Variants in ARHGAP44 observed in about 807,000 individuals in gnomAD.
ARHGAP44 encodes Rho GTPase activating protein 44, also known as rho GTPase-activating protein 44.
ARHGAP44 carries 43 observed loss-of-function variants against 106.8 expected under a neutral mutation model. That is an observed-to-expected ratio of 0.40 (90% CI 0.32 to 0.52). The LOEUF (loss-of-function observed/expected upper bound fraction) is 0.52, where lower values mean the gene tolerates loss of function less well. Ranked by LOEUF, ARHGAP44 falls within the 20% of genes least tolerant of loss-of-function variation. The pLI, the probability that ARHGAP44 is intolerant of heterozygous loss-of-function variation, is 0.48. For synonymous variants in ARHGAP44, 439 were observed against 410.3 expected (o/e 1.07, Z -0.85); for missense variants, 866 against 1,050.5 (o/e 0.82, Z 2.43).
intron 16 of ARHGAP44, among the ~76,000 whole-genome samples, chr17:12,962,314 G>A (rs1407714787): frequency 6.6e-6 from 1 of 152,104 alleles, no homozygotes; most frequent in Non-Finnish European, 1.5e-5. Flanking sequence ...AATGATGCAG[G>A]AAGCTGGGTT....
chr17:12,928,647 T>G (rs985179064), intron 6 of ARHGAP44, among the ~76,000 whole-genome samples: 14 of 152,204 alleles, frequency 9.2e-5, no homozygotes, highest in African/African-American at 3.1e-4. Flanking sequence ...GCCATTTGGC[T>G]TTAGTGTTTG....
At chr17:12,930,669 T>C (rs1473790884) in intron 7 of ARHGAP44, among the ~76,000 whole-genome samples, 1 of 152,228 alleles carries the variant, frequency 6.6e-6, no homozygotes, top group Non-Finnish European at 1.5e-5. Context: ...AATATCCAAA[T>C]AGATCAGGAT....
chr17:12,823,878 A>T (rs540530407), intron 1 of ARHGAP44, among the ~76,000 whole-genome samples: 1 of 151,994 alleles, frequency 6.6e-6, no homozygotes, highest in East Asian at 1.9e-4. Context: ...CTACCAAACC[A>T]CTCTGCCCAA....
intron 1 of ARHGAP44, among the ~76,000 whole-genome samples, chr17:12,848,130 A>T (rs961712445): frequency 7.9e-5 from 12 of 152,220 alleles, no homozygotes; most frequent in Admixed American, 5.9e-4. Context: ...GCGATGTTGA[A>T]TAGAGACAGA....
At chr17:12,970,384 A>AG (rs1479750753) in intron 16 of ARHGAP44, among the ~76,000 whole-genome samples, 2 of 96,320 alleles carry the variant, frequency 2.1e-5, no homozygotes, top group Non-Finnish European at 4.8e-5. Flanking sequence ...AAAAAAAAAA[A>AG]AAAAGAAAAA....
chr17:12,898,394 C>T lies in ARHGAP44; in HGVS notation c.198+1883C>T, dbSNP rs191140533. The stretch of plus-strand genomic sequence containing the variant: ...AATTGCCTAGCCTGGGAGGGGCAGT[C>T]CCTCTAGGGTCAGCAAGGGCCCAAG... On this transcript the variant is annotated intron_variant, in intron 3 of 20. Coordinates refer to ENST00000379672, the MANE Select transcript of ARHGAP44 (RefSeq NM_014859.6). 1.9e-3 allele frequency among the ~76,000 whole-genome samples: 292 copies of T among 152,254 alleles called. 1 individual carries two copies. The highest frequency in any genetic ancestry group is 6.7e-3 in the African/African-American group (277 of 41,544).
chr17:12,943,762 A>G, intron 9 of ARHGAP44, 93 bp downstream of exon 9: 2 of 1,300,738 alleles, frequency 1.5e-6, no homozygotes, highest in Non-Finnish European at 2.2e-6. Flanking sequence ...TGGCCCTAAC[A>G]CTCTGCCCAA....
In ARHGAP44 at chr17:12,973,103, G is replaced by A; in HGVS notation, c.1524-199G>A. On this transcript the variant is annotated intron_variant, in intron 16 of 20. Transcript: ENST00000379672. Reference sequence around the variant, plus strand: ...GCTCTCTTTACCTGTGTGCATGGTAGGGTATGACTTACACTTACACAAATA... The same window carrying A: ...GCTCTCTTTACCTGTGTGCATGGTAAGGTATGACTTACACTTACACAAATA... 2.1e-5 allele frequency: 12 copies of A among 576,794 alleles called. No individual in the cohort carries two copies. In the South Asian group the frequency reaches 2.8e-4, roughly 14 times the overall value. 35.7% of individuals were successfully genotyped at this position (576,794 alleles called of 1,614,324 possible). A position where few individuals can be genotyped will look rare whatever the true frequency, so the allele number is the denominator to read the frequency against.
At chr17:12,833,305 G>A (rs983803644) in intron 1 of ARHGAP44, among the ~76,000 whole-genome samples, 3 of 152,152 alleles carry the variant, frequency 2.0e-5, no homozygotes, top group African/African-American at 4.8e-5. Flanking sequence ...TTTTTCGTAC[G>A]TGTCTGTCTG....
At position 12,973,291 on chromosome 17, in the gene ARHGAP44, T is replaced by G; in HGVS notation, c.1524-11T>G. ...TTTGAAACTAATATCTGTATGTTTC[T>G]GTCCCTGCAGCCTTAGGAAAATCCA... On this transcript the variant is annotated splice_polypyrimidine_tract_variant and intron_variant, in intron 16 of 20. Coordinates refer to ENST00000379672, the MANE Select transcript of ARHGAP44 (RefSeq NM_014859.6). 1 of 1,607,382 alleles carries G rather than the reference T, an allele frequency of 6.2e-7. No homozygotes were observed. Among genetic ancestry groups the G allele is most frequent in the Non-Finnish European group, 8.5e-7 (1 of 1,176,728 alleles).
intron 3 of ARHGAP44, among the ~76,000 whole-genome samples, chr17:12,907,142 G>T (rs770660887): frequency 9.9e-5 from 15 of 152,180 alleles, no homozygotes; most frequent in Admixed American, 5.9e-4. Flanking sequence ...GCTGGGTGTA[G>T]TTCAGTCACT....
chr17:12,937,281 A>G (rs2038575198), intron 7 of ARHGAP44, among the ~76,000 whole-genome samples: 1 of 152,168 alleles, frequency 6.6e-6, no homozygotes, highest in African/African-American at 2.4e-5. Flanking sequence ...TTAAGAATGG[A>G]GTACTCTAGT....
chr17:12,868,541 T>C (rs2036299193), intron 1 of ARHGAP44, among the ~76,000 whole-genome samples: 1 of 131,068 alleles, frequency 7.6e-6, no homozygotes, highest in Non-Finnish European at 1.6e-5. Context: ...TGCAATAAAC[T>C]GAGAGGCTAA....
At chr17:12,794,295 T>C (rs1352615605) in intron 1 of ARHGAP44, among the ~76,000 whole-genome samples, 2 of 151,688 alleles carry the variant, frequency 1.3e-5, no homozygotes, top group Admixed American at 1.3e-4. Flanking sequence ...TGGGGAGGAC[T>C]TTTTTTTCCA....
At chr17:12,806,643 T>C (rs2034282358) in intron 1 of ARHGAP44, among the ~76,000 whole-genome samples, 1 of 152,230 alleles carries the variant, frequency 6.6e-6, no homozygotes, top group Admixed American at 6.5e-5. Context: ...GATTCTGATG[T>C]CAGATTCCCA....
At position 12,859,954 on chromosome 17, in the gene ARHGAP44, A is replaced by G. The variant is rs369452597; in HGVS notation, c.54-34986A>G. 2.2e-3 allele frequency among the ~76,000 whole-genome samples: 330 copies of G among 152,310 alleles called. 3 individuals carry two copies. The highest frequency in any genetic ancestry group is 6.5e-3 in the African/African-American group (269 of 41,574). On this transcript the variant is annotated intron_variant, in intron 1 of 20. Coordinates refer to ENST00000379672, the MANE Select transcript of ARHGAP44 (RefSeq NM_014859.6). ...GTGGTTCATGAAAAAAAAATTTACT[A>G]TGAAGCAGGCTCTGGGCTATAGGGG...
intron 4 of ARHGAP44, among the ~76,000 whole-genome samples, chr17:12,909,930 T>C (rs1382894481): frequency 6.6e-6 from 1 of 152,062 alleles, no homozygotes; most frequent in African/African-American, 2.4e-5. Context: ...AAATGTAAAA[T>C]TGACCAGAGG....
At chr17:12,884,048 CATA>C (rs893588951) in intron 1 of ARHGAP44, among the ~76,000 whole-genome samples, 5 of 152,064 alleles carry the variant, frequency 3.3e-5, no homozygotes, top group African/African-American at 4.8e-5. Flanking sequence ...CTCTTTCTTT[CATA>C]ATGTTTTTTT....
intron 6 of ARHGAP44, among the ~76,000 whole-genome samples, chr17:12,920,339 G>A (rs2038041988): frequency 8.5e-6 from 1 of 117,796 alleles, no homozygotes; most frequent in African/African-American, 4.4e-5. Flanking sequence ...TCATGCCACT[G>A]CATTCCAGCC....
Sources: allele counts gnomAD v4.1 joint callset (sites outside exome capture counted in the v4.1 genomes callset), GRCh38; gene constraint gnomAD v4.1.1; transcripts MANE v1.5; gene names NCBI Gene and HGNC (gene_info 2026-07-23, HGNC 2026-07-21).